The following NCKAP5 variants were observed in gnomAD, a reference collection of about 807,000 sequenced individuals.
NCKAP5 encodes NCK associated protein 5.
In NCKAP5, 92 loss-of-function variants were observed where a neutral mutation model predicts 167.0. That is an observed-to-expected ratio of 0.55 (90% CI 0.47 to 0.66). The LOEUF (loss-of-function observed/expected upper bound fraction) is 0.66, where lower values mean the gene tolerates loss of function less well. NCKAP5 is among the 30% of genes least tolerant of loss of function. The probability of loss-of-function intolerance (pLI) is 0.00; values close to 1 mark genes in which losing one functional copy is unlikely to be tolerated. For missense variants in NCKAP5, 2,378 were observed against 2,315.0 expected, an observed-to-expected ratio of 1.03 and a Z score of -0.56; for synonymous variants, 891 against 877.4, an observed-to-expected ratio of 1.02 and a Z score of -0.27.
intron 6 of NCKAP5, among the ~76,000 whole-genome samples, chr2:133,100,864 T>C (rs1008700347): frequency 7.2e-5 from 11 of 152,194 alleles, no homozygotes; most frequent in African/African-American, 2.7e-4. Context: ...GACGTTTGTA[T>C]TCTTAAAATA....
chr2:133,190,474 C>A (rs983576076), intron 5 of NCKAP5, among the ~76,000 whole-genome samples: 3 of 152,110 alleles, frequency 2.0e-5, no homozygotes, highest in Non-Finnish European at 4.4e-5. Context: ...CAATCCTAAG[C>A]CAAAAGAACA....
intron 2 of NCKAP5, among the ~76,000 whole-genome samples, chr2:133,531,046 T>TG (rs1685316855): frequency 6.6e-6 from 1 of 152,082 alleles, no homozygotes; most frequent in South Asian, 2.1e-4. Flanking sequence ...ACCAACTTAT[T>TG]GGGGTGGTAT....
chr2:133,041,088 ATACT>A (rs2079205064), intron 6 of NCKAP5, among the ~76,000 whole-genome samples: 5 of 152,218 alleles, frequency 3.3e-5, no homozygotes, highest in Non-Finnish European at 7.3e-5. Context: ...GGAGTTTTGC[ATACT>A]TCGGAAGTTT....
intron 5 of NCKAP5, among the ~76,000 whole-genome samples, chr2:133,161,401 A>C (rs2083789879): frequency 1.3e-5 from 2 of 152,232 alleles, no homozygotes; most frequent in Non-Finnish European, 2.9e-5. Context: ...AAATATATTC[A>C]GATGTTACAC....
chr2:133,140,248 G>A (rs2082946825), intron 5 of NCKAP5, among the ~76,000 whole-genome samples: 1 of 152,092 alleles, frequency 6.6e-6, no homozygotes, highest in South Asian at 2.1e-4. Context: ...TATATTCTAT[G>A]CAAAGAAGAC....
Position 132,725,662 on chromosome 2 carries a change from C to A in NCKAP5, c.5678G>T (p.Gly1893Val), listed in dbSNP as rs1301367769. Residue 1893 changes from glycine to valine, a missense_variant, in exon 19 of 20, where the codon GGA (glycine) becomes GTA (valine). Around this residue, in one of 3 missense-constraint regions of NCKAP5, gnomAD observed 1,325 missense variants for 1,274.5 expected, o/e 1.04. Coordinates refer to ENST00000409261, the MANE Select transcript of NCKAP5 (RefSeq NM_207363.3). ...GCTCTTCAGTGCTTTCACTAACTGT[C>A]CCCTTCCAGCTCCAAAACCATTATC... ...YGDNGFGAGRGQLVKALKSAA... is the reference protein window; with the variant it reads ...YGDNGFGAGRVQLVKALKSAA... 1 of 1,612,332 alleles carries A rather than the reference C, an allele frequency of 6.2e-7. No individual in the cohort carries two copies. Among genetic ancestry groups the A allele is most frequent in the South Asian group, 1.1e-5 (1 of 90,548 alleles).
chr2:132,967,210 C>A (rs2076699514), intron 7 of NCKAP5, among the ~76,000 whole-genome samples: 1 of 151,708 alleles, frequency 6.6e-6, no homozygotes, highest in South Asian at 2.1e-4. Flanking sequence ...CATACACACA[C>A]ACATACACAC....
chr2:133,482,116 A>C (rs1430545264), intron 3 of NCKAP5, among the ~76,000 whole-genome samples: 1 of 152,166 alleles, frequency 6.6e-6, no homozygotes, highest in Non-Finnish European at 1.5e-5. Flanking sequence ...CAAGATAATA[A>C]CTTTCAGTTC....
intron 3 of NCKAP5, among the ~76,000 whole-genome samples, chr2:133,394,940 T>C (rs1232275718): frequency 6.6e-6 from 1 of 152,168 alleles, no homozygotes; most frequent in Non-Finnish European, 1.5e-5. Context: ...AATAATAAAA[T>C]TGTGCATTTT....
At chr2:133,235,747 A>T (rs2087376268) in intron 4 of NCKAP5, among the ~76,000 whole-genome samples, 1 of 151,840 alleles carries the variant, frequency 6.6e-6, no homozygotes, top group African/African-American at 2.4e-5. Flanking sequence ...AGTACTAAAA[A>T]TACAAAATTA....
At chr2:132,744,587 C>T (rs1679483656) in intron 16 of NCKAP5, among the ~76,000 whole-genome samples, 2 of 149,916 alleles carry the variant, frequency 1.3e-5, no homozygotes, top group African/African-American at 4.9e-5. Context: ...ACATATTAAA[C>T]ATAAACTAAG....
At chr2:133,601,104 T>C in the NCKAP5 span, among the ~76,000 whole-genome samples, 1 of 152,226 alleles carries the variant, frequency 6.6e-6, no homozygotes, top group Non-Finnish European at 1.5e-5. Flanking sequence ...TTACCACTTC[T>C]TCTATCACTC....
At chr2:132,738,295 T>C (rs933059180) in intron 16 of NCKAP5, among the ~76,000 whole-genome samples, 28 of 152,190 alleles carry the variant, frequency 1.8e-4, no homozygotes, top group Admixed American at 6.5e-4. Context: ...CAGCCAACAG[T>C]AGGCTGTTCT....
intron 3 of NCKAP5, among the ~76,000 whole-genome samples, chr2:133,346,712 G>C (rs1057105118): frequency 6.6e-6 from 1 of 152,214 alleles, no homozygotes; most frequent in Non-Finnish European, 1.5e-5. Flanking sequence ...ATACAAGGAT[G>C]AGAACTTGTG....
At chr2:133,650,094 T>C in the NCKAP5 span, among the ~76,000 whole-genome samples, 16 of 152,114 alleles carry the variant, frequency 1.1e-4, no homozygotes, top group Admixed American at 3.3e-4. Context: ...GAAAAGGAAA[T>C]TAGAAAAGCA....
chr2:133,070,299 G>A (rs374973237), intron 6 of NCKAP5, among the ~76,000 whole-genome samples: 5 of 152,212 alleles, frequency 3.3e-5, no homozygotes, highest in African/African-American at 1.2e-4. Flanking sequence ...ATTAAAAAAT[G>A]GGATGATATG....
the NCKAP5 span, among the ~76,000 whole-genome samples, chr2:133,647,410 A>AGGAAGGAG: frequency 7.8e-6 from 1 of 127,758 alleles, no homozygotes; most frequent in African/African-American, 3.6e-5. Context: ...GAAGGAAGGA[A>AGGAAGGAG]GGAAGGAAGA....
chr2:132,934,549 G>T (rs1696696002), intron 8 of NCKAP5, among the ~76,000 whole-genome samples: 1 of 152,152 alleles, frequency 6.6e-6, no homozygotes, highest in African/African-American at 2.4e-5. Flanking sequence ...TCCAGCTTGG[G>T]TGAGAGAGTG....
chr2:133,138,833 CA>C (rs2082892878), intron 5 of NCKAP5, among the ~76,000 whole-genome samples: 2 of 152,192 alleles, frequency 1.3e-5, no homozygotes, highest in South Asian at 4.1e-4. Flanking sequence ...CTGCATTACA[CA>C]GTTGCTCACT....
Sources: allele counts gnomAD v4.1 joint callset (sites outside exome capture counted in the v4.1 genomes callset), GRCh38; gene constraint gnomAD v4.1.1; regional missense constraint gnomAD v4.1.1; transcripts MANE v1.5; gene names NCBI Gene and HGNC (gene_info 2026-07-23, HGNC 2026-07-21).